DLGAP1: variants seen among roughly 807,000 people sequenced by gnomAD.
DLGAP1 encodes the protein disks large-associated protein 1.
In DLGAP1, 11 loss-of-function variants were observed where a neutral mutation model predicts 90.8. The ratio of observed to expected loss-of-function variants is 0.12; its 90% CI spans 0.08 to 0.20. The LOEUF (loss-of-function observed/expected upper bound fraction) is 0.20. DLGAP1 is among the 10% of genes least tolerant of loss of function. The probability of loss-of-function intolerance (pLI) is 1.00; values close to 1 mark genes in which losing one functional copy is unlikely to be tolerated. For synonymous variants in DLGAP1, 558 were observed against 540.7 expected (o/e 1.03, Z -0.44); for missense variants, 1,050 against 1,333.8 (o/e 0.79, Z 3.31).
At chr18:4,052,031 C>G (rs1203148657) in intron 2 of DLGAP1, among the ~76,000 whole-genome samples, 1 of 152,232 alleles carries the variant, frequency 6.6e-6, no homozygotes, top group Non-Finnish European at 1.5e-5. Flanking sequence ...GGCAGCTCTG[C>G]CCCTGTGGCT....
intron 4 of DLGAP1, among the ~76,000 whole-genome samples, chr18:3,833,230 C>A (rs2068162635): frequency 9.3e-6 from 1 of 108,088 alleles, no homozygotes; most frequent in African/African-American, 3.5e-5. Flanking sequence ...TCCTTCCTTC[C>A]TTCCTTCCTC....
At position 3,982,488 on chromosome 18, in the gene DLGAP1, T is replaced by A. The variant is rs369451830; in HGVS notation, c.-73+22628A>T. 1.4e-3 allele frequency among the ~76,000 whole-genome samples: 207 copies of A among 152,274 alleles called. 7 individuals carry two copies. In the South Asian group the frequency reaches 0.041, roughly 30 times the overall value. On this transcript the variant is annotated intron_variant, in intron 3 of 12. Transcript: ENST00000315677. ...CTATAATATAGAAAATGCATTTGCT[T>A]TTGGAGCAGGACAGACAGACTTGTG...
At chr18:4,016,504 T>C (rs1016827620) in intron 2 of DLGAP1, among the ~76,000 whole-genome samples, 3 of 152,212 alleles carry the variant, frequency 2.0e-5, no homozygotes, top group Non-Finnish European at 2.9e-5. Context: ...CACAACAGAT[T>C]ACCCTTGGGG....
intron 8 of DLGAP1, among the ~76,000 whole-genome samples, chr18:3,574,681 C>T (rs1449135574): frequency 6.6e-6 from 1 of 152,128 alleles, no homozygotes; most frequent in Non-Finnish European, 1.5e-5. Flanking sequence ...TCGAGGACAT[C>T]AAAATAAAGT....
intron 2 of DLGAP1, among the ~76,000 whole-genome samples, chr18:4,030,673 C>T (rs912246267): frequency 6.6e-6 from 1 of 152,184 alleles, no homozygotes; most frequent in African/African-American, 2.4e-5. Context: ...GTAATCCCAG[C>T]ACTTTGGGAG....
intron 7 of DLGAP1, among the ~76,000 whole-genome samples, chr18:3,695,634 T>C (rs199743498): frequency 6.6e-6 from 1 of 152,160 alleles, no homozygotes; most frequent in Non-Finnish European, 1.5e-5. Context: ...AGTCAGGTAG[T>C]GTGATGCCTC....
In DLGAP1 at chr18:3,534,387, G is replaced by A; in HGVS notation, c.2286C>T (p.Asp762=). The A allele has an allele frequency of 6.2e-7, 1 of 1,614,144 alleles. No homozygotes were observed. The highest frequency in any genetic ancestry group is 8.5e-7 in the Non-Finnish European group (1 of 1,180,018). Residue 762 remains aspartate, a synonymous_variant, in exon 10 of 13, where the codon GAC becomes GAT. Transcript: ENST00000315677. ...GGTCCGGAGGAGGCAGAATAGAGGG[G>A]TCAAAATCCGTGTCAAAGTCATCAT... ...AADDDFDTDF[D]PSILPPPDPW...
chr18:4,074,778 T>C (rs947787808), intron 2 of DLGAP1, among the ~76,000 whole-genome samples: 3 of 152,144 alleles, frequency 2.0e-5, no homozygotes, highest in Non-Finnish European at 4.4e-5. Flanking sequence ...TAAAGACCGA[T>C]TGTAATCTCA....
chr18:4,194,990 A>G (rs1448531485), intron 1 of DLGAP1, among the ~76,000 whole-genome samples: 1 of 152,196 alleles, frequency 6.6e-6, no homozygotes, highest in Non-Finnish European at 1.5e-5. Context: ...ATTGTTGACT[A>G]TGGTCACCCT....
chr18:3,803,159 G>C (rs1235594718), intron 5 of DLGAP1, among the ~76,000 whole-genome samples: 1 of 152,106 alleles, frequency 6.6e-6, no homozygotes, highest in African/African-American at 2.4e-5. Context: ...GTTGGGAAGA[G>C]ATGTCCACCA....
intron 1 of DLGAP1, among the ~76,000 whole-genome samples, chr18:4,388,320 G>T (rs2144394871): frequency 6.6e-6 from 1 of 152,058 alleles, no homozygotes; most frequent in Non-Finnish European, 1.5e-5. Flanking sequence ...CGGTTTCGAA[G>T]GAAAAAATGG....
chr18:3,889,806 G>C (rs1200582007), intron 3 of DLGAP1, among the ~76,000 whole-genome samples: 9 of 152,330 alleles, frequency 5.9e-5, no homozygotes, highest in Non-Finnish European at 1.0e-4. Flanking sequence ...TCAAGTAAAG[G>C]AAGGGCCCAT....
At chr18:3,845,348 C>G (rs1467731796) in intron 4 of DLGAP1, 2 of 1,545,816 alleles carry the variant, frequency 1.3e-6, no homozygotes, top group African/African-American at 1.4e-5. Context: ...TATGATTTGC[C>G]GATTCTAAGT....
At chr18:4,086,644 G>C (rs1346605433) in intron 2 of DLGAP1, among the ~76,000 whole-genome samples, 1 of 151,628 alleles carries the variant, frequency 6.6e-6, no homozygotes, top group Non-Finnish European at 1.5e-5. Context: ...TAATTCCATC[G>C]TGGTCTGAGA....
At chr18:3,772,287 T>C (rs28636960) in intron 5 of DLGAP1, among the ~76,000 whole-genome samples, 2 of 149,612 alleles carry the variant, frequency 1.3e-5, no homozygotes, top group African/African-American at 2.5e-5. Flanking sequence ...TTCTCTCCTT[T>C]TCTCCTTTTC....
intron 3 of DLGAP1, among the ~76,000 whole-genome samples, chr18:3,958,794 G>A (rs2073135305): frequency 6.6e-6 from 1 of 152,150 alleles, no homozygotes; most frequent in Admixed American, 6.6e-5. Flanking sequence ...AGTAGTTAAA[G>A]CCCCAGGTGA....
At chr18:4,222,815 G>A (rs2078105850) in intron 1 of DLGAP1, among the ~76,000 whole-genome samples, 2 of 151,890 alleles carry the variant, frequency 1.3e-5, no homozygotes, top group South Asian at 2.1e-4. Context: ...AAAAATGTGG[G>A]TAAACTGATA....
intron 2 of DLGAP1, among the ~76,000 whole-genome samples, chr18:4,052,049 G>T (rs748426809): frequency 1.3e-5 from 2 of 152,198 alleles, no homozygotes; most frequent in Admixed American, 6.5e-5. Flanking sequence ...GCTTTGCAGG[G>T]TACAGCTCCC....
chr18:3,980,063 G>C (rs1297102814), intron 3 of DLGAP1, among the ~76,000 whole-genome samples: 1 of 152,176 alleles, frequency 6.6e-6, no homozygotes, highest in African/African-American at 2.4e-5. Flanking sequence ...TTTTACGTGG[G>C]AGGTGGTTGT....
Sources: gnomAD v4.1 joint callset for allele counts (sites outside exome capture counted in the v4.1 genomes callset) on GRCh38, gnomAD v4.1.1 for gene constraint, MANE v1.5 for transcripts, NCBI Gene and HGNC (gene_info 2026-07-23, HGNC 2026-07-21) for gene names.